ARID5A: variants seen among roughly 807,000 people sequenced by gnomAD.
ARID5A encodes the protein AT-rich interactive domain-containing protein 5A.
In ARID5A, 14 loss-of-function variants were observed where a neutral mutation model predicts 30.5. That is an observed-to-expected ratio of 0.46 (90% CI 0.30 to 0.72). The LOEUF is 0.72. Ranked by LOEUF, ARID5A falls within the 30% of genes least tolerant of loss-of-function variation. The pLI is 0.07. For missense variants in ARID5A, 669 were observed against 786.2 expected (o/e 0.85, Z 1.78); for synonymous variants, 338 against 340.4 (o/e 0.99, Z 0.08).
intron 2 of ARID5A, among the ~76,000 whole-genome samples, chr2:96,548,452 G>C (rs1216146284): frequency 6.6e-6 from 1 of 152,100 alleles, no homozygotes; most frequent in Non-Finnish European, 1.5e-5. Context: ...TTTTAGTAGA[G>C]ATGGGATTTC....
chr2:96,551,443 T>A lies in ARID5A; in HGVS notation c.915T>A (p.Thr305=). 1 of 1,595,534 alleles carries A rather than the reference T, an allele frequency of 6.3e-7. No homozygotes were observed. Among genetic ancestry groups the A allele is most frequent in the East Asian group, 2.3e-5 (1 of 43,832 alleles). ...GTCCCCAGAGCCCCAAAGGGCTGACTGAGAACTCCAGGCACCGGCTGACCC... is the reference window on the plus strand; with the variant it reads ...GTCCCCAGAGCCCCAAAGGGCTGACAGAGAACTCCAGGCACCGGCTGACCC... ...PESPQSPKGL[T]ENSRHRLTPQ... Residue 305 remains threonine (T), a synonymous_variant, in exon 7 of 7, where the codon ACT becomes ACA. Transcript: ENST00000357485.
At position 96,547,039 on chromosome 2, in the gene ARID5A, G is replaced by A. The variant is rs572429048; in HGVS notation, c.5-363G>A. On this transcript the variant is annotated intron_variant, in intron 1 of 6. Transcript: ENST00000357485. ...ATAGTTGGAGCAGAGGAAAGAAAAGGGACAGGTGTGGAGCGGATGCAGCGG... is the reference window on the plus strand; with the variant it reads ...ATAGTTGGAGCAGAGGAAAGAAAAGAGACAGGTGTGGAGCGGATGCAGCGG... 3.0e-3 allele frequency among the ~76,000 whole-genome samples: 458 copies of A among 152,312 alleles called. 3 individuals carry two copies. Among genetic ancestry groups the A allele is most frequent in the African/African-American group, 0.011 (440 of 41,562 alleles).
chr2:96,550,234 G>A lies in ARID5A; in HGVS notation c.359G>A (p.Gly120Asp). The A allele has an allele frequency of 6.6e-7, 1 of 1,524,206 alleles. No individual in the cohort carries two copies. The highest frequency in any genetic ancestry group is 8.8e-7 in the Non-Finnish European group (1 of 1,138,936). 94.4% of individuals were successfully genotyped at this position (1,524,206 alleles called of 1,614,324 possible). A position where few individuals can be genotyped will look rare whatever the true frequency, so the allele number is the denominator to read the frequency against. Residue 120 changes from glycine to aspartate, a missense_variant, in exon 5 of 7, where the codon GGC becomes GAC. Gly to Asp is a moderately conservative substitution (Grantham distance 94). Transcript: ENST00000357485. This position sits in a 1 kb window ranked among gnomAD's most constrained non-coding sequence, Gnocchi z 6.6. ...AAGAACGTGTACGACGAGCTGGGGG[G>A]CAGCCCAGGCAGCACCAGCGCGGCC... ...LWKNVYDELG[G>D]SPGSTSAATC...
Position 96,549,374 on chromosome 2 carries a change from G to A in ARID5A, c.174G>A (p.Glu58=), listed in dbSNP as rs200718643. The change falls in exon 3 of 7, where the codon GAG becomes GAA. Residue 58 remains glutamate, a synonymous_variant. Coordinates refer to ENST00000357485, the MANE Select transcript of ARID5A (RefSeq NM_212481.3). This position sits in a 1 kb window ranked among gnomAD's most constrained non-coding sequence, Gnocchi z 6.1. ...EREEEQEREE[E]QAFLVSLYKF... ...AGGAGGAGCAGGAGCGGGAGGAGGA[G>A]CAGGCCTTCCTGGTCAGCCTCTACA... 6.3e-5 allele frequency: 102 copies of A among 1,613,882 alleles called. No individual in the cohort carries two copies. In the East Asian group the frequency reaches 9.8e-4, roughly 16 times the overall value.
chr2:96,540,193 A>G (rs953956325), intron 1 of ARID5A, among the ~76,000 whole-genome samples: 4 of 152,244 alleles, frequency 2.6e-5, no homozygotes, highest in African/African-American at 7.2e-5. Context: ...AAGTAGACCT[A>G]TGGGAGCATC....
chr2:96,551,784 C>A lies in ARID5A; in HGVS notation c.1256C>A (p.Ser419Tyr). ...LYPKPKACWV[S>Y]PMAKVPAESP... Reference sequence around the variant, plus strand: ...CCCAAGCCCAAAGCCTGCTGGGTGTCCCCCATGGCCAAGGTCCCAGCCGAG... The same window carrying A: ...CCCAAGCCCAAAGCCTGCTGGGTGTACCCCATGGCCAAGGTCCCAGCCGAG... The change falls in exon 7 of 7, where the codon TCC (serine) becomes TAC (tyrosine). Residue 419 changes from serine (S) to tyrosine (Y), a missense_variant. Coordinates refer to ENST00000357485, the MANE Select transcript of ARID5A (RefSeq NM_212481.3). 1 of 1,541,324 alleles carries A rather than the reference C, an allele frequency of 6.5e-7. No individual in the cohort carries two copies. Among genetic ancestry groups the A allele is most frequent in the Non-Finnish European group, 8.7e-7 (1 of 1,148,850 alleles).
At chr2:96,545,844 C>T (rs977397650) in intron 1 of ARID5A, among the ~76,000 whole-genome samples, 11 of 151,928 alleles carry the variant, frequency 7.2e-5, no homozygotes, top group Admixed American at 2.0e-4. Context: ...GTCCCAGCTA[C>T]TCGGGAGGCT....
chr2:96,548,501 A>G (rs1460907219), intron 2 of ARID5A, among the ~76,000 whole-genome samples: 2 of 152,108 alleles, frequency 1.3e-5, no homozygotes, highest in Non-Finnish European at 2.9e-5. Context: ...CCTGACCTCA[A>G]GTGATCTCTC....
In ARID5A at chr2:96,549,668, G is replaced by A. The variant is rs1466833180; in HGVS notation, c.260-85G>A. The A allele has an allele frequency of 1.3e-6, 2 of 1,590,690 alleles. No individual in the cohort carries two copies. The highest frequency in any genetic ancestry group is 1.7e-5 in the Admixed American group (1 of 59,850). ...GCTGGGTGTGTGCTGGTCTGTGCCT[G>A]GCCTGTCAGGGCACCAGGAAGGGGT... On this transcript the variant is annotated intron_variant, in intron 3 of 6. Coordinates refer to ENST00000357485, the MANE Select transcript of ARID5A (RefSeq NM_212481.3). The surrounding 1 kb of genome is among the most constrained non-coding windows in gnomAD (Gnocchi z 6.1).
rs1372486247 is a variant in ARID5A, at chr2:96,537,454, T to C, written c.4+624T>C. The C allele has an allele frequency of 1.3e-5, 2 of 152,514 alleles. No homozygotes were observed. Among genetic ancestry groups the C allele is most frequent in the East Asian group, 1.9e-4 (1 of 5,192 alleles). The allele number at this position is 152,514 out of a possible 1,614,324, so 9.4% of individuals were successfully genotyped here. A position where few individuals can be genotyped will look rare whatever the true frequency, so the allele number is the denominator to read the frequency against. ...GCGCCGATGGTCCGGGGAGCCCGGC[T>C]TCTCGCCCCCTGCCCCTTCCTTCTC... On this transcript the variant is annotated intron_variant, in intron 1 of 6. Coordinates refer to ENST00000357485, the MANE Select transcript of ARID5A (RefSeq NM_212481.3). The surrounding 1 kb of genome is among the most constrained non-coding windows in gnomAD (Gnocchi z 4.8).
At position 96,551,714 on chromosome 2, in the gene ARID5A, C is replaced by T. The variant is rs769623251; in HGVS notation, c.1186C>T (p.Pro396Ser). The T allele has an allele frequency of 3.9e-6, 6 of 1,519,366 alleles. No individual in the cohort carries two copies. The highest frequency in any genetic ancestry group is 4.4e-6 in the Non-Finnish European group (5 of 1,135,882). 94.1% of individuals were successfully genotyped at this position (1,519,366 alleles called of 1,614,324 possible). Residue 396 changes from proline to serine, a missense_variant, in exon 7 of 7, where the codon CCT becomes TCT. Coordinates refer to ENST00000357485, the MANE Select transcript of ARID5A (RefSeq NM_212481.3). ...GGTGTGGGGCGGAGACGCTAACCGC[C>T]CTTCTGCGTTCCATAAAGGTGGCTC... ...QLVWGGDANR[P>S]SAFHKGGSRK...
chr2:96,543,512 T>C (rs2065878939), intron 1 of ARID5A, among the ~76,000 whole-genome samples: 1 of 152,216 alleles, frequency 6.6e-6, no homozygotes, highest in Admixed American at 6.5e-5. Flanking sequence ...TTCATTATTA[T>C]ATCTGTTATG....
chr2:96,550,415 CCAGGCTGGCTGGGCGCACT>C lies in ARID5A; in HGVS notation c.410+133_411-138del. ...GCGCCGTCCTCAGAGCTGCGGGAGC[CCAGGCTGGCTGGGCGCACT>C]CACTGAGGGAGCTGAAGCTTTGGGA... On this transcript the variant is annotated intron_variant, in intron 5 of 6. Coordinates refer to ENST00000357485, the MANE Select transcript of ARID5A (RefSeq NM_212481.3). The surrounding 1 kb of genome is among the most constrained non-coding windows in gnomAD (Gnocchi z 6.6). The C allele has an allele frequency of 7.0e-7, 1 of 1,431,818 alleles. No individual in the cohort carries two copies. Among genetic ancestry groups the C allele is most frequent in the East Asian group, 2.5e-5 (1 of 39,846 alleles). 88.7% of individuals were successfully genotyped at this position (1,431,818 alleles called of 1,614,324 possible).
At chr2:96,538,356 G>A (rs1313996895) in intron 1 of ARID5A, 16 of 983,864 alleles carry the variant, frequency 1.6e-5, no homozygotes, top group Non-Finnish European at 1.9e-5. Context: ...CTTGGAAGTT[G>A]GTAGCCTCAC....
At chr2:96,545,885 C>T (rs2065918965) in intron 1 of ARID5A, among the ~76,000 whole-genome samples, 1 of 151,052 alleles carries the variant, frequency 6.6e-6, no homozygotes, top group African/African-American at 2.4e-5. Context: ...ACCTGGGAGG[C>T]GAAGATTGCA....
In ARID5A at chr2:96,544,315, CAGA is replaced by C. The variant is rs1031496130; in HGVS notation, c.5-3080_5-3078del. Among the ~76,000 whole-genome samples, 118 of 152,348 alleles carry C rather than the reference CAGA, an allele frequency of 7.7e-4. 2 individuals carry two copies. Among genetic ancestry groups the C allele is most frequent in the Admixed American group, 6.9e-3 (105 of 15,304 alleles). On this transcript the variant is annotated intron_variant, in intron 1 of 6. Coordinates refer to ENST00000357485, the MANE Select transcript of ARID5A (RefSeq NM_212481.3). ...CCATGTAGATGAAACAGCTTTGTAT[CAGA>C]AGAAGATGTCATCTAGGACTTTCAT... is the stretch of plus-strand genomic sequence containing the variant.
chr2:96,542,727 G>C (rs1301209048), intron 1 of ARID5A, among the ~76,000 whole-genome samples: 1 of 152,162 alleles, frequency 6.6e-6, no homozygotes, highest in Non-Finnish European at 1.5e-5. Context: ...GACTTGCCAA[G>C]GGTCACATAG....
intron 1 of ARID5A, among the ~76,000 whole-genome samples, chr2:96,541,640 G>A (rs993029882): frequency 1.3e-5 from 2 of 152,164 alleles, no homozygotes; most frequent in African/African-American, 4.8e-5. Context: ...CCTGTATACT[G>A]GAATAGATTC....
rs1032076798 is a variant in ARID5A at position 96,541,905 on chromosome 2, T to G, written c.4+5075T>G. ...CAGCAGCTATCAGGGGCAAGTGGGTTTCTCCTGCCTCTGTGGGCTGAGTGG... is the reference window on the plus strand; with the variant it reads ...CAGCAGCTATCAGGGGCAAGTGGGTGTCTCCTGCCTCTGTGGGCTGAGTGG... On this transcript the variant is annotated intron_variant, in intron 1 of 6. Transcript: ENST00000357485. 6.6e-5 allele frequency among the ~76,000 whole-genome samples: 10 copies of G among 152,330 alleles called. No individual in the cohort carries two copies. The South Asian group carries it at 2.1e-3, about 32-fold the overall frequency.
Sources: gnomAD v4.1 joint callset for allele counts (sites outside exome capture counted in the v4.1 genomes callset) on GRCh38, gnomAD v4.1.1 for gene constraint, Gnocchi (gnomAD v3.1) non-coding constraint, MANE v1.5 for transcripts, NCBI Gene and HGNC (gene_info 2026-07-23, HGNC 2026-07-21) for gene names.